IPP: variants seen among roughly 807,000 people sequenced by gnomAD.
IPP encodes intracisternal A particle-promoted polypeptide.
In IPP, 41 loss-of-function variants were observed where a neutral mutation model predicts 64.1. That is an observed-to-expected ratio of 0.64 (90% confidence interval 0.50 to 0.83). IPP has a LOEUF of 0.83. Among genes scored for constraint, IPP ranks in the 40% least tolerant of loss-of-function variants. The pLI is 0.00. For missense variants in IPP, 649 were observed against 703.0 expected, an observed-to-expected ratio of 0.92 and a Z score of 0.87; for synonymous variants, 214 against 235.2, an observed-to-expected ratio of 0.91 and a Z score of 0.83.
intron 5 of IPP, among the ~76,000 whole-genome samples, chr1:45,724,110 C>T (rs28538325): frequency 0.54 from 80,966 of 151,136 alleles, 21,842 homozygotes; most frequent in Middle Eastern, 0.6. Flanking sequence ...GCCTGCCGAG[C>T]GCCTGCAATT....
At chr1:45,747,114 ACACGAGCGCGCGCG>A (rs1646146287) in intron 1 of IPP, among the ~76,000 whole-genome samples, 2 of 149,960 alleles carry the variant, frequency 1.3e-5, no homozygotes, top group Non-Finnish European at 3.0e-5. Context: ...ATGCGCGCGC[ACACGAGCGCGCGCG>A]CGCGCTTCAG....
intron 3 of IPP, among the ~76,000 whole-genome samples, chr1:45,740,485 C>G (rs1254397300): frequency 6.6e-6 from 1 of 152,050 alleles, no homozygotes; most frequent in Non-Finnish European, 1.5e-5. Flanking sequence ...AACGGGGCGG[C>G]TGGCCGGGCG....
At chr1:45,721,201 C>G (rs746427766) in intron 5 of IPP, among the ~76,000 whole-genome samples, 5 of 152,124 alleles carry the variant, frequency 3.3e-5, no homozygotes, top group Non-Finnish European at 5.9e-5. Context: ...GAAGATTGAC[C>G]CTTTGCTGGA....
chr1:45,724,588 G>A (rs1330927967), intron 5 of IPP, among the ~76,000 whole-genome samples: 1 of 150,924 alleles, frequency 6.6e-6, no homozygotes, highest in African/African-American at 2.4e-5. Flanking sequence ...GTCTCTGCCC[G>A]GCCGCCCATC....
In IPP at chr1:45,699,286, A is replaced by G. The variant is rs1159243049; in HGVS notation, c.*680T>C. 1 of 985,350 alleles carries G rather than the reference A, an allele frequency of 1.0e-6. No homozygotes were observed. Among genetic ancestry groups the G allele is most frequent in the Non-Finnish European group, 1.2e-6 (1 of 829,946 alleles). 61.0% of individuals were successfully genotyped at this position (985,350 alleles called of 1,614,324 possible). A position where few individuals can be genotyped will look rare whatever the true frequency, so the allele number is the denominator to read the frequency against. On this transcript the variant is annotated 3_prime_UTR_variant, in exon 9 of 9. Transcript: ENST00000396478. ...CTAGTGAAAACTCTTGGCATTAAATAAAAGTAGGAATCTATTTCATTGGCT... is the reference window on the plus strand; with the variant it reads ...CTAGTGAAAACTCTTGGCATTAAATGAAAGTAGGAATCTATTTCATTGGCT...
At position 45,729,272 on chromosome 1, in the gene IPP, T is replaced by G. The variant is rs375133803; in HGVS notation, c.880+342A>C. On this transcript the variant is annotated intron_variant, in intron 4 of 8. Transcript: ENST00000396478. ...AATGACTAGGATACTGTGAATAGTTTAAAAACTTGAGATTTATTTTCTTTA... is the reference window on the plus strand; with the variant it reads ...AATGACTAGGATACTGTGAATAGTTGAAAAACTTGAGATTTATTTTCTTTA... Among the ~76,000 whole-genome samples, 5 of 152,290 alleles carry G rather than the reference T, an allele frequency of 3.3e-5. No individual in the cohort carries two copies. In the South Asian group the frequency reaches 1.0e-3, roughly 32 times the overall value.
chr1:45,748,409 T>C (rs1371101009), intron 1 of IPP, among the ~76,000 whole-genome samples: 5 of 152,180 alleles, frequency 3.3e-5, no homozygotes, highest in Middle Eastern at 3.2e-3. Context: ...GGCTCATACC[T>C]GTAAGCCCAG....
chr1:45,738,841 A>AAAACAAAAAAAACAAAAAAAAC (rs545821187), intron 3 of IPP, among the ~76,000 whole-genome samples: 1 of 77,290 alleles, frequency 1.3e-5, no homozygotes, highest in Admixed American at 1.4e-4. Flanking sequence ...CTCCATCTCA[A>AAAACAAAAAAAACAAAAAAAAC]AAAAAAAAAA....
chr1:45,725,898 G>A (rs543030049), intron 5 of IPP, among the ~76,000 whole-genome samples: 2,971 of 135,822 alleles, frequency 0.022, 100 homozygotes, highest in African/African-American at 0.077. Flanking sequence ...CAGCATGCTC[G>A]TTAAGAGTCA....
chr1:45,705,506 A>G (rs757231016), intron 8 of IPP, among the ~76,000 whole-genome samples: 15 of 152,134 alleles, frequency 9.9e-5, no homozygotes, highest in Non-Finnish European at 2.1e-4. Context: ...ACATGAAACA[A>G]AACTTTTAGG....
At chr1:45,695,591 C>T (rs1645379977), downstream of IPP, among the ~76,000 whole-genome samples, 1 of 151,514 alleles carries the variant, frequency 6.6e-6, no homozygotes, top group Admixed American at 6.6e-5. Context: ...TTCCTAGTCT[C>T]ACCAAAAAGG....
intron 4 of IPP, among the ~76,000 whole-genome samples, chr1:45,729,260 C>T (rs1216114666): frequency 1.3e-5 from 2 of 151,640 alleles, no homozygotes; most frequent in Non-Finnish European, 2.9e-5. Context: ...GACTAGGATA[C>T]TGTGAATAGT....
chr1:45,737,756 G>A (rs1645999931), intron 3 of IPP, among the ~76,000 whole-genome samples: 1 of 152,076 alleles, frequency 6.6e-6, no homozygotes, highest in Non-Finnish European at 1.5e-5. Flanking sequence ...CACCGTGCCT[G>A]GCCCAGAAAT....
At chr1:45,729,143 CAA>C (rs200570703) in intron 4 of IPP, among the ~76,000 whole-genome samples, 49 of 112,748 alleles carry the variant, frequency 4.3e-4, no homozygotes, top group Admixed American at 4.7e-4. Flanking sequence ...AAGACTACCT[CAA>C]AAAAAAAAAA....
In IPP at chr1:45,715,262, A is replaced by C. The variant is rs531907971; in HGVS notation, c.1310-796T>G. ...TAATTTACATAAAATTTCCTTATAAACTCTGGCAATCTACAATTATTTTTG... is the reference window on the plus strand; with the variant it reads ...TAATTTACATAAAATTTCCTTATAACCTCTGGCAATCTACAATTATTTTTG... On this transcript the variant is annotated intron_variant, in intron 7 of 8. Transcript: ENST00000396478. 8.6e-5 allele frequency among the ~76,000 whole-genome samples: 13 copies of C among 152,020 alleles called. No homozygotes were observed. The South Asian group carries it at 2.5e-3, about 29-fold the overall frequency.
At position 45,727,620 on chromosome 1, in the gene IPP, TTTA is replaced by T; in HGVS notation, c.1048+8_1048+10del. ...AGACTAATTAAGAAAATAAGACATT[TTTA>T]TTATTACCTCCAATAGCGTAGACCA... On this transcript the variant is annotated splice_region_variant and intron_variant, in intron 5 of 8. Transcript: ENST00000396478. 6.7e-7 allele frequency: 1 copy of T among 1,496,750 alleles called. No individual in the cohort carries two copies. Among genetic ancestry groups the T allele is most frequent in the African/African-American group, 1.4e-5 (1 of 72,310 alleles). 92.7% of individuals were successfully genotyped at this position (1,496,750 alleles called of 1,614,324 possible).
At chr1:45,747,834 CAAAAAAAAAAA>C (rs60576414) in intron 1 of IPP, among the ~76,000 whole-genome samples, 423 of 39,266 alleles carry the variant, frequency 0.011, 2 homozygotes, top group Non-Finnish European at 0.015. Flanking sequence ...GACTCTGTCT[CAAAAAAAAAAA>C]AAAAAAAAAA....
chr1:45,718,735 A>G (rs1302560113), intron 6 of IPP, among the ~76,000 whole-genome samples: 1 of 152,182 alleles, frequency 6.6e-6, no homozygotes, highest in African/African-American at 2.4e-5. Flanking sequence ...TAATTTAAAT[A>G]ATATTAGCTA....
Position 45,732,361 on chromosome 1 carries a change from C to CAA in IPP, c.725-2594_725-2593dup, listed in dbSNP as rs779442718. 1.2e-4 allele frequency among the ~76,000 whole-genome samples: 7 copies of CAA among 59,744 alleles called. 1 individual carries two copies. The highest frequency in any genetic ancestry group is 9.5e-4 in the East Asian group (2 of 2,098). 39.2% of individuals were successfully genotyped at this position (59,744 alleles called of 152,430 possible). ...TGGGCAAAAGAGCGAGACTCCACCT[C>CAA]AAAAAAAAAAAAAAAAAAACACAAA... On this transcript the variant is annotated intron_variant, in intron 3 of 8. Coordinates refer to ENST00000396478, the MANE Select transcript of IPP (RefSeq NM_005897.3).
Sources: allele counts gnomAD v4.1 joint callset (sites outside exome capture counted in the v4.1 genomes callset), GRCh38; gene constraint gnomAD v4.1.1; transcripts MANE v1.5; gene names NCBI Gene and HGNC (gene_info 2026-07-23, HGNC 2026-07-21).